Variants in FAM200A observed in about 807,000 individuals in gnomAD.
FAM200A encodes the protein protein FAM200A.
FAM200A carries 26 observed loss-of-function variants against 44.2 expected under a neutral mutation model. The ratio of observed to expected loss-of-function variants is 0.59; its 90% CI spans 0.43 to 0.82. The LOEUF (loss-of-function observed/expected upper bound fraction) is 0.82. Ranked by LOEUF, FAM200A falls within the 40% of genes least tolerant of loss-of-function variation. FAM200A has a pLI of 0.00. For synonymous variants in FAM200A, 206 were observed against 244.4 expected, an observed-to-expected ratio of 0.84 and a Z score of 1.47; for missense variants, 606 against 669.5, an observed-to-expected ratio of 0.91 and a Z score of 1.05.
chr7:99,547,908 T>C lies in FAM200A; in HGVS notation c.500A>G (p.Asp167Gly). ...LVYVRYVWQD[D>G]FVEDLLCCLN... ...ACAACATAAGAGATCCTCTACAAAA[T>C]CATCTTGCCACACATATCTGACATA... The change falls in exon 2 of 2, where the codon GAT (aspartate) becomes GGT (glycine). Residue 167 changes from aspartate (D) to glycine (G), a missense_variant. Physicochemically the swap from Asp to Gly is moderately conservative, Grantham distance 94 (BLOSUM62 -1). Coordinates refer to ENST00000449309, the MANE Select transcript of FAM200A (RefSeq NM_145111.4). 2.6e-6 allele frequency: 4 copies of C among 1,551,204 alleles called. No homozygotes were observed. Among genetic ancestry groups the C allele is most frequent in the South Asian group, 2.4e-5 (2 of 84,048 alleles).
chr7:99,550,110 A>AC lies in FAM200A; in HGVS notation c.-99-1605dup, dbSNP rs927371816. Among the ~76,000 whole-genome samples, 275 of 148,184 alleles carry AC rather than the reference A, an allele frequency of 1.9e-3. 4 individuals carry two copies. The East Asian group carries it at 0.039, about 21-fold the overall frequency. On this transcript the variant is annotated intron_variant, in intron 1 of 1. Transcript: ENST00000449309. ...GTTATTACCTGACTTTACTAAATGA[A>AC]CCCCCCCCTTTTTTTTTTGAGACGG...
upstream of FAM200A, among the ~76,000 whole-genome samples, chr7:99,553,091 A>AT (rs1802592859): frequency 1.0e-5 from 1 of 96,946 alleles, no homozygotes; most frequent in East Asian, 3.1e-4. Context: ...ATATATATAT[A>AT]TATATATATT....
In FAM200A at chr7:99,547,994, T is replaced by G; in HGVS notation, c.414A>C (p.Ile138=). ...AMLITRLQSG[I]DFAIQLDEST... ...TCTCATCGAGTTGGATTGCAAAGTC[T>G]ATACCGGACTGCAGCCGTGTAATAA... The change falls in exon 2 of 2, where the codon ATA becomes ATC. Residue 138 remains isoleucine, a synonymous_variant. Transcript: ENST00000449309. The G allele has an allele frequency of 6.4e-7, 1 of 1,551,516 alleles. No individual in the cohort carries two copies. The highest frequency in any genetic ancestry group is 8.7e-7 in the Non-Finnish European group (1 of 1,146,998).
At position 99,547,081 on chromosome 7, in the gene FAM200A, A is replaced by G; in HGVS notation, c.1327T>C (p.Phe443Leu). 6.5e-7 allele frequency: 1 copy of G among 1,546,652 alleles called. No individual in the cohort carries two copies. The highest frequency in any genetic ancestry group is 1.2e-5 in the South Asian group (1 of 82,426). The change falls in exon 2 of 2, where the codon TTT (phenylalanine) becomes CTT (leucine). Residue 443 changes from phenylalanine (F) to leucine (L), a missense_variant. Coordinates refer to ENST00000449309, the MANE Select transcript of FAM200A (RefSeq NM_145111.4). ...TFNYYFPEEK[F>L]ESLKENIWMK... ...CAAATATTTTCCTTTAATGATTCAA[A>G]TTTCTCTTCCGGAAAGTAATAATTA...
chr7:99,551,956 G>T lies in FAM200A; in HGVS notation c.-202C>A, dbSNP rs1285915416. ...CGCTTCCACTCCGTCCCGGGCGGTC[G>T]TGGCGAGGGGATTGCAGGACACAGC... On this transcript the variant is annotated 5_prime_UTR_variant, in exon 1 of 2. Coordinates refer to ENST00000449309, the MANE Select transcript of FAM200A (RefSeq NM_145111.4). 2 of 985,406 alleles carry T rather than the reference G, an allele frequency of 2.0e-6. No individual in the cohort carries two copies. Among genetic ancestry groups the T allele is most frequent in the Non-Finnish European group, 2.4e-6 (2 of 829,990 alleles). 61.0% of individuals were successfully genotyped at this position (985,406 alleles called of 1,614,324 possible).
intron 1 of FAM200A, among the ~76,000 whole-genome samples, chr7:99,550,353 C>A (rs978221867): frequency 1.3e-5 from 2 of 152,154 alleles, no homozygotes; most frequent in East Asian, 1.9e-4. Context: ...TCGTGATCCA[C>A]CCACCTCGGC....
At chr7:99,554,478 C>CAAAAAA (rs397889799), upstream of FAM200A, among the ~76,000 whole-genome samples, 9 of 52,136 alleles carry the variant, frequency 1.7e-4, no homozygotes, top group Non-Finnish European at 2.8e-4. Context: ...GACTCCGTCT[C>CAAAAAA]AAAAAAAAAA....
At chr7:99,553,023 A>G (rs1030507345), upstream of FAM200A, among the ~76,000 whole-genome samples, 5 of 132,432 alleles carry the variant, frequency 3.8e-5, no homozygotes, top group Admixed American at 3.0e-4. Flanking sequence ...ATACACATAT[A>G]TATACATGTA....
chr7:99,552,228 G>A (rs2151131309), upstream of FAM200A: 1 of 960,836 alleles, frequency 1.0e-6, no homozygotes, highest in Admixed American at 6.2e-5. Flanking sequence ...CTCGGGTTTG[G>A]GGATCTTGCT....
At position 99,546,922 on chromosome 7, in the gene FAM200A, A is replaced by T; in HGVS notation, c.1486T>A (p.Ser496Thr). The T allele has an allele frequency of 6.5e-7, 1 of 1,549,108 alleles. No homozygotes were observed. The highest frequency in any genetic ancestry group is 1.2e-5 in the South Asian group (1 of 83,138). ...LKNYYKILSL[S>T]AFWIKIKDDF... ...TCTTTAATCTTAATCCAAAATGCTG[A>T]TAAACTTAATATCTTATAATAATTC... Residue 496 changes from serine (S) to threonine (T), a missense_variant, in exon 2 of 2, where the codon TCA (serine) becomes ACA (threonine). Transcript: ENST00000449309.
In FAM200A at chr7:99,547,917, C is replaced by T. The variant is rs148457170; in HGVS notation, c.491G>A (p.Trp164Ter). ...GAGATCCTCTACAAAATCATCTTGC[C>T]ACACATATCTGACATAAACCAAGAG... ...PTLLVYVRYV[W>*]QDDFVEDLLC... The change falls in exon 2 of 2, where the codon TGG becomes TAG. Residue 164 changes from tryptophan (W) to a stop codon, truncating the protein, a stop_gained. Transcript: ENST00000449309. LOFTEE classifies it high-confidence loss of function. 486 of 1,551,144 alleles carry T rather than the reference C, an allele frequency of 3.1e-4. 1 individual carries two copies. Among genetic ancestry groups the T allele is most frequent in the Admixed American group, 6.5e-4 (33 of 51,002 alleles).
In FAM200A at chr7:99,546,656, G is replaced by A. The variant is rs1441575736; in HGVS notation, c.*30C>T. ...TTACAGGCGTAAGCCACCACACCTGGCTATACACAGAATTTTGTAAAGTTT... is the reference window on the plus strand; with the variant it reads ...TTACAGGCGTAAGCCACCACACCTGACTATACACAGAATTTTGTAAAGTTT... On this transcript the variant is annotated 3_prime_UTR_variant, in exon 2 of 2. Coordinates refer to ENST00000449309, the MANE Select transcript of FAM200A (RefSeq NM_145111.4). 1.4e-6 allele frequency: 2 copies of A among 1,480,646 alleles called. No individual in the cohort carries two copies. Among genetic ancestry groups the A allele is most frequent in the Non-Finnish European group, 1.8e-6 (2 of 1,117,042 alleles). The allele number at this position is 1,480,646 out of a possible 1,614,324, so 91.7% of individuals were successfully genotyped here.
At chr7:99,553,289 T>C (rs969843988), upstream of FAM200A, among the ~76,000 whole-genome samples, 1 of 151,574 alleles carries the variant, frequency 6.6e-6, no homozygotes, top group African/African-American at 2.4e-5. Flanking sequence ...TGCTACACAC[T>C]GTATTTTTCT....
chr7:99,547,753 C>G lies in FAM200A; in HGVS notation c.655G>C (p.Gly219Arg). 1 of 1,551,614 alleles carries G rather than the reference C, an allele frequency of 6.4e-7. No homozygotes were observed. Among genetic ancestry groups the G allele is most frequent in the South Asian group, 1.2e-5 (1 of 84,062 alleles). Residue 219 changes from glycine to arginine, a missense_variant, in exon 2 of 2, where the codon GGA becomes CGA. By Grantham distance (125) the Gly-to-Arg change is moderately radical (BLOSUM62 -2). Transcript: ENST00000449309. The part of the protein sequence containing the change: ...ISSDGTANMT[G>R]KHSRLTEKLL... ...TTTTCAGTAAGTCTGCTGTGTTTTC[C>G]GGTCATATTTGCTGTTCCATCACTT...
At chr7:99,553,395 G>C (rs1562927343), upstream of FAM200A, among the ~76,000 whole-genome samples, 1 of 151,866 alleles carries the variant, frequency 6.6e-6, no homozygotes, top group Non-Finnish European at 1.5e-5. Flanking sequence ...CAGTTGACTG[G>C]GTATATGATT....
rs1415350813 is a variant in FAM200A at position 99,546,767 on chromosome 7, T to C, written c.1641A>G (p.Ala547=). The C allele has an allele frequency of 1.3e-6, 2 of 1,551,166 alleles. No homozygotes were observed. The highest frequency in any genetic ancestry group is 1.7e-6 in the Non-Finnish European group (2 of 1,146,896). Residue 547 remains alanine, a synonymous_variant, in exon 2 of 2, where the codon GCA becomes GCG. Coordinates refer to ENST00000449309, the MANE Select transcript of FAM200A (RefSeq NM_145111.4). ...AAGATAATGCTACCCGCATATCTGGTGCACTATTGAGCCTATTTCTCTTCT... is the reference window on the plus strand; with the variant it reads ...AAGATAATGCTACCCGCATATCTGGCGCACTATTGAGCCTATTTCTCTTCT... The part of the protein sequence containing the change: ...KTKKRNRLNS[A]PDMRVALSSC...
intron 1 of FAM200A, among the ~76,000 whole-genome samples, chr7:99,558,008 C>T (rs916466283): frequency 6.6e-6 from 1 of 152,174 alleles, no homozygotes; most frequent in African/African-American, 2.4e-5. Context: ...ATGCTTTTGC[C>T]TATCCCTGTT....
intron 1 of FAM200A, among the ~76,000 whole-genome samples, chr7:99,550,174 G>T (rs994607542): frequency 6.6e-6 from 1 of 151,318 alleles, no homozygotes; most frequent in Non-Finnish European, 1.5e-5. Context: ...GCAGTGGCAC[G>T]ATCTCAGCTC....
chr7:99,552,972 CAT>C (rs1328337099), upstream of FAM200A, among the ~76,000 whole-genome samples: 4 of 143,496 alleles, frequency 2.8e-5, no homozygotes, highest in East Asian at 2.0e-4. Flanking sequence ...ATCTTTGCTC[CAT>C]ATATATATAT....
Sources: gnomAD v4.1 joint callset for allele counts (sites outside exome capture counted in the v4.1 genomes callset) on GRCh38, gnomAD v4.1.1 for gene constraint, MANE v1.5 for transcripts, NCBI Gene and HGNC (gene_info 2026-07-23, HGNC 2026-07-21) for gene names.